Variants in SYNE2 observed in about 807,000 individuals in gnomAD.
SYNE2 encodes nesprin-2.
A neutral mutation model predicts 856.3 loss-of-function variants in SYNE2; 431 were observed. The ratio of observed to expected loss-of-function variants is 0.50; its 90% confidence interval spans 0.47 to 0.55. The LOEUF (loss-of-function observed/expected upper bound fraction) is 0.55, where lower values mean the gene tolerates loss of function less well. SYNE2 is among the 20% of genes least tolerant of loss of function. SYNE2 has a pLI of 0.00. For synonymous variants in SYNE2, 2,923 were observed against 2,872.3 expected (o/e 1.02, Z -0.56); for missense variants, 8,129 against 8,023.2 (o/e 1.01, Z -0.50).
chr14:63,791,496 AT>A (rs1458148765), intron 1 of SYNE2, among the ~76,000 whole-genome samples: 1 of 152,046 alleles, frequency 6.6e-6, no homozygotes, highest in African/African-American at 2.4e-5. Context: ...AAATATCTCA[AT>A]TTTTCTCTTT....
chr14:63,895,775 C>CAAAAA (rs10544076), intron 1 of SYNE2, among the ~76,000 whole-genome samples: 4,164 of 92,250 alleles, frequency 0.045, 60 homozygotes, highest in Middle Eastern at 0.074. Context: ...TCCAAATCTC[C>CAAAAA]AAAAAAAAAA....
intron 45 of SYNE2, among the ~76,000 whole-genome samples, chr14:64,046,143 G>A (rs77472418): frequency 7.2e-5 from 11 of 152,260 alleles, no homozygotes; most frequent in East Asian, 5.8e-4. Flanking sequence ...AATTACTGCC[G>A]TGGTGCTTCA....
intron 83 of SYNE2, among the ~76,000 whole-genome samples, chr14:64,144,730 A>G (rs2098167245): frequency 6.6e-6 from 1 of 152,178 alleles, no homozygotes; most frequent in Non-Finnish European, 1.5e-5. Flanking sequence ...CGTAATAATA[A>G]TCTTATCACT....
intron 19 of SYNE2, 91 bp downstream of exon 19, chr14:63,986,708 G>C: frequency 7.5e-7 from 1 of 1,339,050 alleles, no homozygotes; most frequent in African/African-American, 1.5e-5. Context: ...GTAGTAATAA[G>C]CCTACAGTTT....
chr14:64,093,229 C>T, intron 60 of SYNE2, 120 bp from the exon 61 acceptor site: 1 of 1,142,086 alleles, frequency 8.8e-7, no homozygotes, highest in South Asian at 1.4e-5. Flanking sequence ...CTATTGAAAT[C>T]TCAATGGGTG....
At chr14:63,814,918 ATC>A (rs370843497) in intron 1 of SYNE2, among the ~76,000 whole-genome samples, 2,018 of 85,900 alleles carry the variant, frequency 0.023, 54 homozygotes, top group African/African-American at 0.037. Flanking sequence ...ATATCCATAT[ATC>A]TATCCATATA....
At chr14:63,874,901 GA>G (rs2094679766) in intron 1 of SYNE2, among the ~76,000 whole-genome samples, 1 of 152,116 alleles carries the variant, frequency 6.6e-6, no homozygotes, top group South Asian at 2.1e-4. Flanking sequence ...TGTCAAAGGG[GA>G]AAAGTATTTA....
chr14:63,940,472 A>G (rs1000434579), intron 2 of SYNE2, 142 bp from the exon 3 acceptor site: 8 of 752,194 alleles, frequency 1.1e-5, no homozygotes, highest in African/African-American at 1.0e-4. Flanking sequence ...ACAAACATCT[A>G]CAGTTTAGAC....
In SYNE2 at chr14:64,165,384, G is replaced by T; in HGVS notation, c.16579G>T (p.Glu5527Ter). The T allele has an allele frequency of 6.2e-7, 1 of 1,613,778 alleles. No individual in the cohort carries two copies. Among genetic ancestry groups the T allele is most frequent in the Non-Finnish European group, 8.5e-7 (1 of 1,179,940 alleles). The change falls in exon 90 of 116, where the codon GAA becomes TAA. Residue 5527 changes from glutamate (E) to a stop codon, truncating the protein, a stop_gained. Transcript: ENST00000555002. LOFTEE classifies it high-confidence loss of function. ...EENLDRLHQQ[E>*]KENPDSFLNH... Reference sequence around the variant, plus strand: ...GAATTTGGATAGACTTCACCAACAGGAAAAAGAAAATCCTGACTCATTCCT... The same window carrying T: ...GAATTTGGATAGACTTCACCAACAGTAAAAAGAAAATCCTGACTCATTCCT...
At position 64,126,461 on chromosome 14, in the gene SYNE2, C is replaced by T. The variant is rs186567969; in HGVS notation, c.13689C>T (p.Gly4563=). ...MPRLYREDGS[G]QQVHYETLAL... is the part of the protein sequence containing the mutation. ...GACTTTACAGGGAGGATGGTTCTGG[C>T]CAGCAGGTGCACTACGAGGTAGGGC... The change falls in exon 72 of 116, where the codon GGC becomes GGT. Residue 4563 remains glycine (G), a synonymous_variant. Coordinates refer to ENST00000555002, the MANE Select transcript of SYNE2 (RefSeq NM_182914.3). 51 of 1,614,076 alleles carry T rather than the reference C, an allele frequency of 3.2e-5. No homozygotes were observed. In the East Asian group the frequency reaches 1.1e-3, roughly 34 times the overall value.
intron 88 of SYNE2, 116 bp from the exon 89 acceptor site, chr14:64,163,286 A>C: frequency 8.6e-7 from 1 of 1,166,840 alleles, no homozygotes; most frequent in Non-Finnish European, 1.3e-6. Flanking sequence ...ATAACAAAAG[A>C]TCATGCCTAC....
At chr14:64,135,055 G>A (rs1458988656) in intron 78 of SYNE2, among the ~76,000 whole-genome samples, 1 of 152,132 alleles carries the variant, frequency 6.6e-6, no homozygotes, top group Non-Finnish European at 1.5e-5. Context: ...GTTATCATCT[G>A]TCTCTGTGTC....
chr14:63,918,392 G>A (rs550287809), intron 2 of SYNE2, among the ~76,000 whole-genome samples: 18 of 152,002 alleles, frequency 1.2e-4, no homozygotes, highest in African/African-American at 4.1e-4. Context: ...AGGGAATTTT[G>A]GTAAAAGGTA....
rs2096981201 is a variant in SYNE2, at chr14:64,026,630, A to C, written c.6304A>C (p.Lys2102Gln). 3 of 1,613,854 alleles carry C rather than the reference A, an allele frequency of 1.9e-6. No individual in the cohort carries two copies. The highest frequency in any genetic ancestry group is 2.5e-6 in the Non-Finnish European group (3 of 1,179,836). Residue 2102 changes from lysine (K) to glutamine (Q), a missense_variant, in exon 42 of 116, where the codon AAG becomes CAG. Physicochemically the swap from Lys to Gln is moderately conservative, Grantham distance 53. Around this residue, in one of 3 missense-constraint regions of SYNE2, gnomAD observed 297 missense variants for 380.9 expected, o/e 0.78. Transcript: ENST00000555002. ...EGDARIETIM[K>Q]QAESSEAPLV... ...GGATGCCAGAATAGAGACCATCATG[A>C]AGCAGGCTGAGAGCAGCGAGGCCCC...
At chr14:64,043,854 G>A (rs1162695771) in intron 45 of SYNE2, among the ~76,000 whole-genome samples, 1 of 152,246 alleles carries the variant, frequency 6.6e-6, no homozygotes, top group African/African-American at 2.4e-5. Flanking sequence ...CCCCCACACA[G>A]AGTGCCTACT....
At chr14:63,801,875 A>G (rs1888144238) in intron 1 of SYNE2, among the ~76,000 whole-genome samples, 1 of 151,700 alleles carries the variant, frequency 6.6e-6, no homozygotes. Flanking sequence ...TTTTATAAGT[A>G]TAAAGAAATA....
chr14:63,853,734 C>T (rs1891016899), intron 1 of SYNE2, among the ~76,000 whole-genome samples: 2 of 151,418 alleles, frequency 1.3e-5, no homozygotes, highest in Admixed American at 6.6e-5. Context: ...GACGGGCGGC[C>T]CGGGCACTGG....
At position 63,990,448 on chromosome 14, in the gene SYNE2, T is replaced by C. The variant is rs1211797991; in HGVS notation, c.2351T>C (p.Met784Thr). 6.2e-7 allele frequency: 1 copy of C among 1,613,568 alleles called. No individual in the cohort carries two copies. The highest frequency in any genetic ancestry group is 1.3e-5 in the African/African-American group (1 of 75,046). The change falls in exon 20 of 116, where the codon ATG (methionine) becomes ACG (threonine). Residue 784 changes from methionine (M) to threonine (T), a missense_variant. This residue lies in a region of SYNE2 where 2,422 missense variants were observed against 2,357.4 expected (regional missense o/e 1.03). Coordinates refer to ENST00000555002, the MANE Select transcript of SYNE2 (RefSeq NM_182914.3). ...IAKGSMFDELMARSEDMLQMD... is the reference protein window; with the variant it reads ...IAKGSMFDELTARSEDMLQMD... ...AAAGGCTCTATGTTTGATGAGCTTATGGCAAGAAGTGAAGATATGTTACAA... is the reference window on the plus strand; with the variant it reads ...AAAGGCTCTATGTTTGATGAGCTTACGGCAAGAAGTGAAGATATGTTACAA...
chr14:64,067,860 A>G (rs1382574501), intron 51 of SYNE2, among the ~76,000 whole-genome samples: 2 of 152,108 alleles, frequency 1.3e-5, no homozygotes, highest in African/African-American at 2.4e-5. Context: ...GTCAAAGATA[A>G]TTGGAGATGT....
Sources: gnomAD v4.1 joint callset for allele counts (sites outside exome capture counted in the v4.1 genomes callset) on GRCh38, gnomAD v4.1.1 for gene constraint, gnomAD v4.1.1 regional missense constraint, MANE v1.5 for transcripts, NCBI Gene and HGNC (gene_info 2026-07-23, HGNC 2026-07-21) for gene names.